TMEM135: variants seen among roughly 807,000 people sequenced by gnomAD.
The protein encoded by TMEM135 is peroxisomal membrane protein 52.
TMEM135 carries 30 observed loss-of-function variants against 60.3 expected under a neutral mutation model. That is an observed-to-expected ratio of 0.50 (90% CI 0.37 to 0.68). The LOEUF (loss-of-function observed/expected upper bound fraction) is 0.68. TMEM135 is among the 30% of genes least tolerant of loss of function. TMEM135 has a pLI of 0.00. For synonymous variants in TMEM135, 190 were observed against 186.7 expected (o/e 1.02, Z -0.14); for missense variants, 468 against 548.8 (o/e 0.85, Z 1.47).
intron 1 of TMEM135, among the ~76,000 whole-genome samples, chr11:87,053,991 C>G (rs1949867777): frequency 6.6e-6 from 1 of 152,062 alleles, no homozygotes; most frequent in Non-Finnish European, 1.5e-5. Context: ...GTTAGTGAGC[C>G]TGAATAATTA....
chr11:87,100,716 G>A (rs574682050), intron 4 of TMEM135, among the ~76,000 whole-genome samples: 1 of 152,224 alleles, frequency 6.6e-6, no homozygotes, highest in South Asian at 2.1e-4. Flanking sequence ...ACAAAAATTA[G>A]CCAGGCGTGG....
intron 4 of TMEM135, among the ~76,000 whole-genome samples, chr11:87,131,771 G>A (rs609914): frequency 0.48 from 72,101 of 151,540 alleles, 17,395 homozygotes; most frequent in East Asian, 0.67. Context: ...CAGCAATACT[G>A]GTCCGTGGCC....
rs1220425421 is a variant in TMEM135 at position 87,108,198 on chromosome 11, C to G, written c.396+16803C>G. On this transcript the variant is annotated intron_variant, in intron 4 of 14. Transcript: ENST00000305494. ...GATGGGTAGATTGCAAAAATTTTCTCCCATTCTGTAGGTTGCCTGTTCACT... is the reference window on the plus strand; with the variant it reads ...GATGGGTAGATTGCAAAAATTTTCTGCCATTCTGTAGGTTGCCTGTTCACT... Among the ~76,000 whole-genome samples the G allele has an allele frequency of 2.6e-5, 4 of 152,122 alleles. No individual in the cohort carries two copies. The South Asian group carries it at 8.3e-4, about 32-fold the overall frequency.
intron 4 of TMEM135, among the ~76,000 whole-genome samples, chr11:87,107,294 T>C (rs1415263156): frequency 6.6e-6 from 1 of 152,300 alleles, no homozygotes; most frequent in South Asian, 2.1e-4. Context: ...CTTTAAGTTC[T>C]AGGGTACATG....
At chr11:87,274,714 A>G (rs1941934425) in intron 6 of TMEM135, among the ~76,000 whole-genome samples, 1 of 151,756 alleles carries the variant, frequency 6.6e-6, no homozygotes, top group South Asian at 2.1e-4. Flanking sequence ...TAATTCCAGC[A>G]GCTCAGGAGA....
intron 6 of TMEM135, among the ~76,000 whole-genome samples, chr11:87,247,126 C>G (rs1021708688): frequency 1.6e-4 from 24 of 151,174 alleles, no homozygotes; most frequent in African/African-American, 5.9e-4. Context: ...ACTCCAGACC[C>G]TGTTTGCCTG....
intron 3 of TMEM135, among the ~76,000 whole-genome samples, chr11:87,085,226 A>G (rs571918158): frequency 8.5e-5 from 13 of 152,266 alleles, no homozygotes; most frequent in African/African-American, 2.4e-4. Flanking sequence ...ATAATCCAAC[A>G]TATCATACCC....
At chr11:87,126,281 CTG>C (rs1217788424) in intron 4 of TMEM135, among the ~76,000 whole-genome samples, 1 of 152,004 alleles carries the variant, frequency 6.6e-6, no homozygotes, top group East Asian at 1.9e-4. Context: ...ATTTTTGTGG[CTG>C]TCTCTTTAGA....
intron 6 of TMEM135, among the ~76,000 whole-genome samples, chr11:87,276,540 A>C (rs1157854180): frequency 6.6e-6 from 1 of 151,166 alleles, no homozygotes; most frequent in African/African-American, 2.4e-5. Context: ...ATATATACTT[A>C]AGTTTATATA....
chr11:87,089,997 T>A (rs1857173387), intron 3 of TMEM135, among the ~76,000 whole-genome samples: 1 of 152,170 alleles, frequency 6.6e-6, no homozygotes. Context: ...GCTGCATAGA[T>A]CATCCTATCA....
chr11:87,192,028 C>G (rs1036158764), intron 5 of TMEM135, among the ~76,000 whole-genome samples: 1 of 126,050 alleles, frequency 7.9e-6, no homozygotes, highest in Non-Finnish European at 1.6e-5. Context: ...TTGCTCCAGG[C>G]TGGAGTGCAG....
chr11:87,053,184 G>A (rs1168784893), intron 1 of TMEM135, among the ~76,000 whole-genome samples: 5 of 82,674 alleles, frequency 6.0e-5, no homozygotes, highest in African/African-American at 2.0e-4. Flanking sequence ...GGAGGGGGGA[G>A]GGATAGCAAA....
At chr11:87,271,404 G>A (rs1188830286) in intron 6 of TMEM135, among the ~76,000 whole-genome samples, 2 of 152,164 alleles carry the variant, frequency 1.3e-5, no homozygotes, top group Non-Finnish European at 2.9e-5. Flanking sequence ...TCTGCAGGCT[G>A]CAGTTACTTT....
intron 6 of TMEM135, among the ~76,000 whole-genome samples, chr11:87,251,090 C>G (rs1429628090): frequency 6.6e-6 from 1 of 152,052 alleles, no homozygotes; most frequent in Non-Finnish European, 1.5e-5. Flanking sequence ...ACAAGCTTTG[C>G]AAATACTGAG....
chr11:87,270,257 A>G lies in TMEM135; in HGVS notation c.510-25525A>G, dbSNP rs572248541. 1.2e-4 allele frequency among the ~76,000 whole-genome samples: 18 copies of G among 151,108 alleles called. No individual in the cohort carries two copies. The East Asian group carries it at 3.5e-3, about 29-fold the overall frequency. ...ATTCTGGATATTAGCCCTTTGTCAG[A>G]TGAGTAGGTTGCAAAAATTTTCTCC... On this transcript the variant is annotated intron_variant, in intron 6 of 14. Coordinates refer to ENST00000305494, the MANE Select transcript of TMEM135 (RefSeq NM_022918.4).
intron 14 of TMEM135, 86 bp downstream of exon 14, chr11:87,319,463 T>A: frequency 1.0e-6 from 1 of 958,884 alleles, no homozygotes. Flanking sequence ...AAGTAGGTAT[T>A]TATATATAAA....
chr11:87,259,456 A>T (rs965259967), intron 6 of TMEM135, among the ~76,000 whole-genome samples: 1 of 152,076 alleles, frequency 6.6e-6, no homozygotes, highest in Non-Finnish European at 1.5e-5. Context: ...ATCATGTTAC[A>T]TTTTTTTCCT....
At chr11:87,222,248 G>GCA (rs1940640928) in intron 5 of TMEM135, among the ~76,000 whole-genome samples, 2 of 149,078 alleles carry the variant, frequency 1.3e-5, no homozygotes, top group South Asian at 4.3e-4. Flanking sequence ...TGTAATCCCA[G>GCA]CACTTTGGGT....
chr11:87,067,590 C>T (rs1386429961), intron 1 of TMEM135, 104 bp from the exon 2 acceptor site: 1 of 1,482,456 alleles, frequency 6.7e-7, no homozygotes, highest in Admixed American at 1.8e-5. Context: ...AGCATTTTTA[C>T]TTTAACTTAT....
Sources: allele counts gnomAD v4.1 joint callset (sites outside exome capture counted in the v4.1 genomes callset), GRCh38; gene constraint gnomAD v4.1.1; transcripts MANE v1.5; gene names NCBI Gene and HGNC (gene_info 2026-07-23, HGNC 2026-07-21).